Variants in SRPK1 observed in about 807,000 individuals in gnomAD.
SRPK1 encodes SFRS protein kinase 1.
Under a neutral mutation model 89.5 loss-of-function variants are expected in SRPK1, and 52 were observed. That is an observed-to-expected ratio of 0.58 (90% confidence interval 0.46 to 0.73). SRPK1 has a LOEUF of 0.73. Ranked by LOEUF, SRPK1 falls within the 30% of genes least tolerant of loss-of-function variation. SRPK1 has a pLI of 0.00. For synonymous variants in SRPK1, 255 were observed against 270.2 expected (o/e 0.94, Z 0.55); for missense variants, 603 against 780.6 (o/e 0.77, Z 2.71).
At chr6:35,920,656 G>T in intron 1 of SRPK1, 128 bp from the exon 2 acceptor site, 1 of 603,982 alleles carries the variant, frequency 1.7e-6, no homozygotes, top group Non-Finnish European at 2.3e-6. Context: ...GCGGGCTCCG[G>T]CGAGGCGGCC....
intron 6 of SRPK1, among the ~76,000 whole-genome samples, chr6:35,885,294 C>CAGAG (rs1273529546): frequency 1.5e-5 from 2 of 131,188 alleles, no homozygotes; most frequent in East Asian, 2.2e-4. Context: ...CACACACACA[C>CAGAG]ACACAGAGAG....
intron 15 of SRPK1, among the ~76,000 whole-genome samples, chr6:35,836,290 A>AC (rs377322321): frequency 2.1e-4 from 32 of 150,278 alleles, no homozygotes; most frequent in Non-Finnish European, 4.6e-4. Context: ...CCACCCCCCA[A>AC]CCCCCCCATC....
At chr6:35,919,907 G>A (rs148005489) in intron 2 of SRPK1, among the ~76,000 whole-genome samples, 157 of 152,352 alleles carry the variant, frequency 1.0e-3, no homozygotes, top group African/African-American at 3.6e-3. Flanking sequence ...ACAGCGGTCT[G>A]CCGGCACACT....
chr6:35,837,289 C>T (rs527355941), intron 15 of SRPK1, among the ~76,000 whole-genome samples: 2 of 152,154 alleles, frequency 1.3e-5, no homozygotes, highest in South Asian at 2.1e-4. Flanking sequence ...AGATGTAGTC[C>T]CTGCCCTTAT....
At chr6:35,846,937 T>A (rs1238754543) in intron 13 of SRPK1, among the ~76,000 whole-genome samples, 3 of 152,236 alleles carry the variant, frequency 2.0e-5, no homozygotes, top group African/African-American at 4.8e-5. Flanking sequence ...AAAATGCATG[T>A]GACAAAATTC....
chr6:35,857,436 A>T (rs1769688377), intron 12 of SRPK1, 68 bp from the exon 13 acceptor site: 2 of 1,226,744 alleles, frequency 1.6e-6, no homozygotes, highest in Non-Finnish European at 2.3e-6. Context: ...ACTGCTTAAT[A>T]ATGGAGATGA....
At chr6:35,844,413 C>T (rs556405026) in intron 13 of SRPK1, among the ~76,000 whole-genome samples, 14 of 152,244 alleles carry the variant, frequency 9.2e-5, no homozygotes, top group Non-Finnish European at 1.9e-4. Flanking sequence ...TCCAAACAAC[C>T]TCAAGAACTG....
intron 14 of SRPK1, among the ~76,000 whole-genome samples, chr6:35,840,344 T>C (rs1769279941): frequency 6.6e-6 from 1 of 152,204 alleles, no homozygotes; most frequent in Admixed American, 6.5e-5. Context: ...TTGAGCAGTT[T>C]TGACTGAATT....
At chr6:35,868,496 C>T (rs1769959689) in intron 12 of SRPK1, among the ~76,000 whole-genome samples, 1 of 152,144 alleles carries the variant, frequency 6.6e-6, no homozygotes, top group African/African-American at 2.4e-5. Context: ...CGTGCAGAGT[C>T]TCATCACAAA....
At chr6:35,913,819 A>AT (rs1771028787) in intron 2 of SRPK1, among the ~76,000 whole-genome samples, 1 of 151,258 alleles carries the variant, frequency 6.6e-6, no homozygotes, top group Non-Finnish European at 1.5e-5. Flanking sequence ...AAAAAATAAA[A>AT]GAGAGAGAAA....
Position 35,835,453 on chromosome 6 carries a change from C to G in SRPK1, c.1819G>C (p.Gly607Arg). The stretch of plus-strand genomic sequence containing the variant: ...TTCTCCACTAGAACCTCAAAAAGGC[C>G]CCAAGGTTTCAGCTTCGTGATATGT... ...LKHITKLKPW[G>R]LFEVLVEKYE... is the part of the protein sequence containing the mutation. The change falls in exon 16 of 16, where the codon GGC (glycine) becomes CGC (arginine). Residue 607 changes from glycine (G) to arginine (R), a missense_variant. Transcript: ENST00000373825. The G allele has an allele frequency of 6.2e-7, 1 of 1,613,448 alleles. No homozygotes were observed. The highest frequency in any genetic ancestry group is 2.2e-5 in the East Asian group (1 of 44,886).
chr6:35,852,213 G>A (rs1402062285), intron 13 of SRPK1, among the ~76,000 whole-genome samples: 1 of 152,154 alleles, frequency 6.6e-6, no homozygotes, highest in Non-Finnish European at 1.5e-5. Context: ...TTGGGGAGCT[G>A]TGCATTTAAT....
chr6:35,883,992 C>CA (rs1770352303), intron 6 of SRPK1, among the ~76,000 whole-genome samples: 1 of 151,948 alleles, frequency 6.6e-6, no homozygotes, highest in South Asian at 2.1e-4. Flanking sequence ...CTCGGCCTCC[C>CA]AAAGTGCTGA....
chr6:35,867,406 G>A (rs1769929403), intron 12 of SRPK1, among the ~76,000 whole-genome samples: 1 of 152,142 alleles, frequency 6.6e-6, no homozygotes, highest in Non-Finnish European at 1.5e-5. Context: ...CAATCAATAT[G>A]GGAAGTAAGA....
intron 2 of SRPK1, among the ~76,000 whole-genome samples, chr6:35,919,459 C>T (rs1401791729): frequency 6.6e-6 from 1 of 152,026 alleles, no homozygotes; most frequent in Non-Finnish European, 1.5e-5. Context: ...GGAATTAGAC[C>T]GCATACGATG....
At position 35,885,310 on chromosome 6, in the gene SRPK1, G is replaced by C. The variant is rs994022098; in HGVS notation, c.478+1414C>G. ...ACACACACACACACAGAGAGAGAGA[G>C]AGAGAGAGAGAGAGAGAGAGCCATC... On this transcript the variant is annotated intron_variant, in intron 6 of 15. Transcript: ENST00000373825. 1.7e-3 allele frequency among the ~76,000 whole-genome samples: 255 copies of C among 147,038 alleles called. 3 individuals carry two copies. The highest frequency in any genetic ancestry group is 5.9e-3 in the African/African-American group (222 of 37,390).
chr6:35,847,965 C>A (rs960819954), intron 13 of SRPK1, among the ~76,000 whole-genome samples: 2 of 151,966 alleles, frequency 1.3e-5, no homozygotes, highest in Admixed American at 1.3e-4. Flanking sequence ...GTAGCATGCA[C>A]CACCACACTT....
chr6:35,897,024 GA>G (rs1315844001), intron 2 of SRPK1, among the ~76,000 whole-genome samples: 11 of 152,328 alleles, frequency 7.2e-5, no homozygotes, highest in African/African-American at 2.2e-4. Context: ...CATTGAGACA[GA>G]AAGTAGATTA....
At chr6:35,906,656 G>C (rs1216114929) in intron 2 of SRPK1, among the ~76,000 whole-genome samples, 1 of 152,172 alleles carries the variant, frequency 6.6e-6, no homozygotes, top group Admixed American at 6.5e-5. Context: ...TTGAAGGTGA[G>C]GCAGTGTCGG....
Sources: gnomAD v4.1 joint callset for allele counts (sites outside exome capture counted in the v4.1 genomes callset) on GRCh38, gnomAD v4.1.1 for gene constraint, MANE v1.5 for transcripts, NCBI Gene and HGNC (gene_info 2026-07-23, HGNC 2026-07-21) for gene names.